MXRA7: variants seen among roughly 807,000 people sequenced by gnomAD.
MXRA7 encodes the protein matrix remodeling associated 7, also known as matrix-remodeling-associated protein 7.
MXRA7 carries 18 observed loss-of-function variants against 17.4 expected under a neutral mutation model. The ratio of observed to expected loss-of-function variants is 1.03; its 90% CI spans 0.71 to 1.53. The LOEUF is 1.53. MXRA7 is among the 40% of genes most tolerant of loss of function. The probability of loss-of-function intolerance (pLI) is 0.00; values close to 1 mark genes in which losing one functional copy is unlikely to be tolerated. For synonymous variants in MXRA7, 70 were observed against 101.7 expected (o/e 0.69, Z 1.87); for missense variants, 141 against 209.3 (o/e 0.67, Z 2.01).
downstream of MXRA7, chr17:76,679,535 T>C (rs1057285461): frequency 3.2e-6 from 3 of 944,320 alleles, no homozygotes; most frequent in Non-Finnish European, 3.8e-6. Flanking sequence ...GGATTTTGTT[T>C]TAAAACAAAG....
At chr17:76,698,618 T>G (rs993089056) in intron 1 of MXRA7, among the ~76,000 whole-genome samples, 2 of 150,744 alleles carry the variant, frequency 1.3e-5, no homozygotes, top group Admixed American at 6.6e-5. Flanking sequence ...ACTGTCCCCC[T>G]CTCACTTGTC....
At position 76,681,849 on chromosome 17, in the gene MXRA7, T is replaced by A. The variant is rs1007092970; in HGVS notation, c.501-970A>T. On this transcript the variant is annotated intron_variant, in intron 3 of 3. Coordinates refer to ENST00000449428, the MANE Select transcript of MXRA7 (RefSeq NM_198530.4). The surrounding 1 kb of genome is among the most constrained non-coding windows in gnomAD (Gnocchi z 4.7). ...GAGGAGGCCTCTTGCTCAGGGGAGC[T>A]GTCACCAGCCTGCAAGCCCACTGTC... Among the ~76,000 whole-genome samples the A allele has an allele frequency of 1.3e-5, 2 of 152,056 alleles. No individual in the cohort carries two copies. Among genetic ancestry groups the A allele is most frequent in the African/African-American group, 4.8e-5 (2 of 41,396 alleles).
chr17:76,692,165 T>TG (rs1433521010), intron 1 of MXRA7, among the ~76,000 whole-genome samples: 2 of 148,192 alleles, frequency 1.3e-5, no homozygotes, highest in African/African-American at 5.0e-5. Flanking sequence ...TAGTAAGCCA[T>TG]GGGGGTGCCA....
chr17:76,683,627 G>C (rs905444016), intron 3 of MXRA7, among the ~76,000 whole-genome samples: 7 of 152,154 alleles, frequency 4.6e-5, no homozygotes, highest in African/African-American at 1.7e-4. Flanking sequence ...AGGAACTCAG[G>C]GACTTAACTC....
downstream of MXRA7, chr17:76,675,995 C>CGTAT (rs1392296772): frequency 6.6e-6 from 1 of 152,178 alleles, no homozygotes; most frequent in Non-Finnish European, 1.5e-5. Context: ...CTGTCGTTAG[C>CGTAT]ATACCCTCCC....
At chr17:76,697,118 G>T (rs1179680648) in intron 1 of MXRA7, among the ~76,000 whole-genome samples, 2 of 152,112 alleles carry the variant, frequency 1.3e-5, no homozygotes, top group Admixed American at 1.3e-4. Flanking sequence ...GACTCTATTT[G>T]GAAACAGGGC....
intron 1 of MXRA7, among the ~76,000 whole-genome samples, chr17:76,691,683 A>G (rs946627806): frequency 1.8e-4 from 27 of 152,056 alleles, no homozygotes; most frequent in Admixed American, 7.2e-4. Context: ...ATCAGAAGTG[A>G]AGGGTTCTGT....
At chr17:76,684,880 G>A (rs1234022488) in intron 3 of MXRA7, among the ~76,000 whole-genome samples, 192 bp downstream of exon 3, 6 of 152,166 alleles carry the variant, frequency 3.9e-5, no homozygotes, top group Admixed American at 3.9e-4. Context: ...TGCCAGGGGT[G>A]TGCGAGCCTG....
chr17:76,706,797 T>C (rs1009592214), intron 1 of MXRA7, among the ~76,000 whole-genome samples: 3 of 152,236 alleles, frequency 2.0e-5, no homozygotes, highest in Admixed American at 6.5e-5. Context: ...GGCTTCTTTG[T>C]TCCAACATTC....
At chr17:76,678,607 C>G (rs958995295), downstream of MXRA7, among the ~76,000 whole-genome samples, 1 of 152,208 alleles carries the variant, frequency 6.6e-6, no homozygotes, top group Non-Finnish European at 1.5e-5. Flanking sequence ...ACACCACGGG[C>G]TCAGTGCCTT....
chr17:76,704,760 G>A (rs1270189933), intron 1 of MXRA7, among the ~76,000 whole-genome samples: 4 of 126,542 alleles, frequency 3.2e-5, no homozygotes, highest in East Asian at 4.5e-4. Flanking sequence ...ACTCCTGGGC[G>A]ACAAGAGCAA....
Position 76,710,904 on chromosome 17 carries a change from C to T in MXRA7, c.43G>A (p.Ala15Thr). ...GCGAGCAGAAGGGCCAGCGCGGTGG[C>T]CAGCGCAGGCAGCGCGGCCAGTAGC... ...AELLAALPALATALALLLAWL... is the reference protein window; with the variant it reads ...AELLAALPALTTALALLLAWL... Residue 15 changes from alanine to threonine, a missense_variant, in exon 1 of 4, where the codon GCC becomes ACC. Around this residue, in one of 3 missense-constraint regions of MXRA7, gnomAD observed 72 missense variants for 111.9 expected, o/e 0.64. Coordinates refer to ENST00000449428, the MANE Select transcript of MXRA7 (RefSeq NM_198530.4). 4 of 1,000,982 alleles carry T rather than the reference C, an allele frequency of 4.0e-6. No homozygotes were observed. Among genetic ancestry groups the T allele is most frequent in the Non-Finnish European group, 4.7e-6 (4 of 842,814 alleles). 62.0% of individuals were successfully genotyped at this position (1,000,982 alleles called of 1,614,324 possible).
chr17:76,692,953 C>T (rs1437808719), intron 1 of MXRA7, among the ~76,000 whole-genome samples: 1 of 152,076 alleles, frequency 6.6e-6, no homozygotes, highest in Non-Finnish European at 1.5e-5. Flanking sequence ...GTCAATTCAG[C>T]CCAGGAAAGG....
At chr17:76,685,198 T>C in intron 2 of MXRA7, 33 bp from the exon 3 acceptor site, 9 of 1,549,334 alleles carry the variant, frequency 5.8e-6, no homozygotes, top group Non-Finnish European at 8.0e-6. Flanking sequence ...GTGCCAGGAG[T>C]GCTGTAGAGG....
chr17:76,677,419 G>A (rs2076249156), downstream of MXRA7: 1 of 533,330 alleles, frequency 1.9e-6, no homozygotes, highest in Non-Finnish European at 3.3e-6. Flanking sequence ...TTTGATTCCT[G>A]CAAAGTAATA....
chr17:76,707,944 T>C (rs2076680210), intron 1 of MXRA7, among the ~76,000 whole-genome samples: 1 of 152,146 alleles, frequency 6.6e-6, no homozygotes, highest in South Asian at 2.1e-4. Context: ...GTGCTAATCC[T>C]TAGGAGAGAA....
chr17:76,687,791 G>A (rs1285650717), intron 2 of MXRA7, among the ~76,000 whole-genome samples: 1 of 152,214 alleles, frequency 6.6e-6, no homozygotes, highest in African/African-American at 2.4e-5. Flanking sequence ...GGAGAGAATC[G>A]TGAAATGTAC....
At chr17:76,686,109 TAG>T (rs2076392699) in intron 2 of MXRA7, among the ~76,000 whole-genome samples, 1 of 152,088 alleles carries the variant, frequency 6.6e-6, no homozygotes, top group Non-Finnish European at 1.5e-5. Context: ...TGCTACCGGA[TAG>T]GCTGATGTGG....
At chr17:76,702,892 T>TATATATATATACGTATATATA (rs2076611295) in intron 1 of MXRA7, among the ~76,000 whole-genome samples, 1 of 77,996 alleles carries the variant, frequency 1.3e-5, no homozygotes, top group South Asian at 3.8e-4. Flanking sequence ...TATATATATC[T>TATATATATATACGTATATATA]TGAGGAGGCC....
Sources: allele counts gnomAD v4.1 joint callset (sites outside exome capture counted in the v4.1 genomes callset), GRCh38; gene constraint gnomAD v4.1.1; regional missense constraint gnomAD v4.1.1; non-coding constraint Gnocchi (gnomAD v3.1); transcripts MANE v1.5; gene names NCBI Gene and HGNC (gene_info 2026-07-23, HGNC 2026-07-21).